Variants in SIDT1 observed in about 807,000 individuals in gnomAD.
The protein encoded by SIDT1 is SID1 transmembrane family member 1.
SIDT1 carries 101 observed loss-of-function variants against 107.5 expected under a neutral mutation model. The observed-to-expected ratio is 0.94, with a 90% CI of 0.80 to 1.11. The LOEUF is 1.11. Among genes scored for constraint, SIDT1 ranks in the 50% least tolerant of loss-of-function variants. SIDT1 has a pLI of 0.00. For synonymous variants in SIDT1, 395 were observed against 398.2 expected, an observed-to-expected ratio of 0.99 and a Z score of 0.10; for missense variants, 1,076 against 1,058.2, an observed-to-expected ratio of 1.02 and a Z score of -0.23.
intron 6 of SIDT1, among the ~76,000 whole-genome samples, chr3:113,582,364 A>G (rs1560071820): frequency 6.6e-6 from 1 of 152,168 alleles, no homozygotes; most frequent in Non-Finnish European, 1.5e-5. Context: ...GCAAGAATGA[A>G]GAGAAGTTAA....
intron 9 of SIDT1, among the ~76,000 whole-genome samples, chr3:113,587,225 T>C (rs1304878928): frequency 6.6e-6 from 1 of 152,218 alleles, no homozygotes; most frequent in Non-Finnish European, 1.5e-5. Context: ...ATATCATATA[T>C]ATTACATCTT....
chr3:113,570,457 T>TA (rs77555207), intron 3 of SIDT1, among the ~76,000 whole-genome samples: 44,550 of 152,078 alleles, frequency 0.29, 7,279 homozygotes, highest in East Asian at 0.59. Flanking sequence ...TCTGTAAGGT[T>TA]ATTAGAACCT....
At chr3:113,550,716 A>T (rs7653791) in intron 1 of SIDT1, among the ~76,000 whole-genome samples, 16,363 of 152,132 alleles carry the variant, frequency 0.11, 1,198 homozygotes, top group African/African-American at 0.2. Context: ...CTTTAAAAAA[A>T]TTTTTTTAAG....
intron 2 of SIDT1, among the ~76,000 whole-genome samples, chr3:113,567,323 G>A (rs1942011621): frequency 6.6e-6 from 1 of 152,170 alleles, no homozygotes; most frequent in African/African-American, 2.4e-5. Flanking sequence ...AGTCAGCACA[G>A]AACAGTCCTC....
At chr3:113,581,494 A>T (rs376747562) in intron 6 of SIDT1, 50 bp downstream of exon 6, 92 of 1,427,132 alleles carry the variant, frequency 6.4e-5, no homozygotes, top group Non-Finnish European at 8.7e-5. Flanking sequence ...TGCTCAATAG[A>T]TAGTGTACTT....
chr3:113,619,793 C>T, intron 21 of SIDT1, 67 bp downstream of exon 21: 1 of 1,381,922 alleles, frequency 7.2e-7, no homozygotes, highest in Non-Finnish European at 1.0e-6. Context: ...TTTAGCTTTC[C>T]TTGACTGTCA....
At position 113,567,552 on chromosome 3, in the gene SIDT1, C is replaced by T; in HGVS notation, c.357C>T (p.Ser119=). 1.2e-6 allele frequency: 2 copies of T among 1,612,866 alleles called. No homozygotes were observed. The highest frequency in any genetic ancestry group is 1.7e-6 in the Non-Finnish European group (2 of 1,179,456). Residue 119 remains serine (S), a synonymous_variant, in exon 3 of 25, where the codon AGC becomes AGT. Transcript: ENST00000264852. ...PLLFQGLYQR[S]YNYQEVSRTL... is the part of the protein sequence containing the mutation. ...TTGGCTGCTTCAGATACCAGAGGAGCTACAACTATCAAGAAGTGAGCCGCA... is the reference window on the plus strand; with the variant it reads ...TTGGCTGCTTCAGATACCAGAGGAGTTACAACTATCAAGAAGTGAGCCGCA...
At chr3:113,603,325 T>C (rs1422971951) in intron 12 of SIDT1, among the ~76,000 whole-genome samples, 175 bp downstream of exon 12, 3 of 150,494 alleles carry the variant, frequency 2.0e-5, no homozygotes, top group Non-Finnish European at 4.4e-5. Context: ...TAATTCGCAC[T>C]TTTTTTTCTC....
intron 1 of SIDT1, among the ~76,000 whole-genome samples, chr3:113,561,903 G>A (rs1050109092): frequency 6.6e-6 from 1 of 152,144 alleles, no homozygotes; most frequent in African/African-American, 2.4e-5. Context: ...GTGAAAAAAG[G>A]GAGGCAGACA....
chr3:113,555,849 CTTTTTTT>C (rs11367567), intron 1 of SIDT1, among the ~76,000 whole-genome samples: 1 of 126,766 alleles, frequency 7.9e-6, no homozygotes, highest in Non-Finnish European at 1.7e-5. Context: ...ACTATATAAT[CTTTTTTT>C]TTTTTTTTTT....
chr3:113,627,731 A>G lies in SIDT1; in HGVS notation c.*23A>G, dbSNP rs1472468401. ...TGAACCTCCAACATTAAGAGAGGGG[A>G]GGGAGCGATCAATCTTGGTGCTGTT... is the stretch of plus-strand genomic sequence containing the variant. On this transcript the variant is annotated 3_prime_UTR_variant, in exon 25 of 25. Coordinates refer to ENST00000264852, the MANE Select transcript of SIDT1 (RefSeq NM_017699.3). 1.2e-6 allele frequency: 2 copies of G among 1,610,324 alleles called. No individual in the cohort carries two copies. Among genetic ancestry groups the G allele is most frequent in the Non-Finnish European group, 1.7e-6 (2 of 1,177,572 alleles).
chr3:113,545,892 G>T (rs972409264), intron 1 of SIDT1, among the ~76,000 whole-genome samples: 1 of 152,184 alleles, frequency 6.6e-6, no homozygotes, highest in South Asian at 2.1e-4. Context: ...TATAGTATAA[G>T]TTTTCATTAG....
chr3:113,607,178 T>C, intron 15 of SIDT1, 64 bp downstream of exon 15: 2 of 1,100,794 alleles, frequency 1.8e-6, no homozygotes, highest in Non-Finnish European at 2.7e-6. Context: ...AATGTTGTGA[T>C]TTCGGTTTTT....
intron 7 of SIDT1, among the ~76,000 whole-genome samples, chr3:113,583,768 T>C (rs1001205906): frequency 6.6e-6 from 1 of 152,246 alleles, no homozygotes; most frequent in Admixed American, 6.5e-5. Flanking sequence ...GTTCACTCGG[T>C]TGGCCCTTTA....
Position 113,623,453 on chromosome 3 carries a change from C to G in SIDT1, c.2117C>G (p.Pro706Arg), listed in dbSNP as rs1003491090. Residue 706 changes from proline to arginine, a missense_variant, in exon 22 of 25, where the codon CCC (proline) becomes CGC (arginine). Physicochemically the swap from Pro to Arg is moderately radical, Grantham distance 103. Coordinates refer to ENST00000264852, the MANE Select transcript of SIDT1 (RefSeq NM_017699.3). ...SFALFGLIYR[P>R]RDFASYMLGI... Reference sequence around the variant, plus strand: ...GCCCTCTTTGGATTGATATACCGCCCCAGGGACTTTGCTTCCTACATGCTG... The same window carrying G: ...GCCCTCTTTGGATTGATATACCGCCGCAGGGACTTTGCTTCCTACATGCTG... The G allele has an allele frequency of 1.2e-6, 2 of 1,613,898 alleles. No individual in the cohort carries two copies. Among genetic ancestry groups the G allele is most frequent in the Admixed American group, 3.3e-5 (2 of 59,996 alleles).
In SIDT1 at chr3:113,593,005, G is replaced by A. The variant is rs774836637; in HGVS notation, c.1002G>A (p.Arg334=). The change falls in exon 10 of 25, where the codon AGG becomes AGA. Residue 334 remains arginine, a splice_region_variant and synonymous_variant. Coordinates refer to ENST00000264852, the MANE Select transcript of SIDT1 (RefSeq NM_017699.3). ...AGCATGTGTATGTGCTTGTTTGCAG[G>A]TTTCAGAGAAAATCCATTGATGGAA... ...CLLVGFVHYL[R]FQRKSIDGSF... The A allele has an allele frequency of 6.8e-6, 11 of 1,612,202 alleles. No individual in the cohort carries two copies. The highest frequency in any genetic ancestry group is 8.5e-6 in the Non-Finnish European group (10 of 1,178,242).
At chr3:113,613,626 T>G (rs1349131554) in intron 19 of SIDT1, among the ~76,000 whole-genome samples, 1 of 152,222 alleles carries the variant, frequency 6.6e-6, no homozygotes, top group Non-Finnish European at 1.5e-5. Context: ...CAGGGCACGC[T>G]GGTCATGATC....
At chr3:113,550,801 T>G (rs563016963) in intron 1 of SIDT1, among the ~76,000 whole-genome samples, 2 of 152,286 alleles carry the variant, frequency 1.3e-5, no homozygotes, top group East Asian at 3.9e-4. Flanking sequence ...GCAGGTTTGT[T>G]GTATAGGTGT....
At chr3:113,535,278 ATG>A (rs1453587481) in intron 1 of SIDT1, among the ~76,000 whole-genome samples, 3 of 133,026 alleles carry the variant, frequency 2.3e-5, no homozygotes, top group East Asian at 3.0e-4. Context: ...TTTTTTCAAA[ATG>A]TTTTTTTTTT....
Sources: gnomAD v4.1 joint callset for allele counts (sites outside exome capture counted in the v4.1 genomes callset) on GRCh38, gnomAD v4.1.1 for gene constraint, MANE v1.5 for transcripts, NCBI Gene and HGNC (gene_info 2026-07-23, HGNC 2026-07-21) for gene names.